UBXN11: variants seen among roughly 807,000 people sequenced by gnomAD.
UBXN11 encodes UBX domain-containing protein 11.
A neutral mutation model predicts 62.8 loss-of-function variants in UBXN11; 47 were observed. The ratio of observed to expected loss-of-function variants is 0.75; its 90% CI spans 0.59 to 0.95. The LOEUF is 0.95. Ranked by LOEUF, UBXN11 falls within the 40% of genes least tolerant of loss-of-function variation. The pLI is 0.00. For missense variants in UBXN11, 638 were observed against 661.7 expected (o/e 0.96, Z 0.39); for synonymous variants, 294 against 267.0 (o/e 1.10, Z -0.99).
At chr1:26,316,378 T>C (rs1356248292) in intron 1 of UBXN11, among the ~76,000 whole-genome samples, 1 of 151,136 alleles carries the variant, frequency 6.6e-6, no homozygotes, top group Non-Finnish European at 1.5e-5. Context: ...CTACCTAGCA[T>C]GTAAATGAGG....
At chr1:26,290,211 C>T (rs1325163535) in intron 8 of UBXN11, among the ~76,000 whole-genome samples, 1 of 152,210 alleles carries the variant, frequency 6.6e-6, no homozygotes, top group African/African-American at 2.4e-5. Flanking sequence ...GCCCATGTGC[C>T]AAGCACTGGG....
chr1:26,304,884 T>C (rs1416291599), intron 1 of UBXN11, among the ~76,000 whole-genome samples: 2 of 148,046 alleles, frequency 1.4e-5, no homozygotes, highest in Non-Finnish European at 3.0e-5. Flanking sequence ...TGCATGTGTA[T>C]CCCCCCTGCC....
chr1:26,303,630 C>CAAAAAAAAA (rs5773154), intron 1 of UBXN11, among the ~76,000 whole-genome samples: 7 of 80,060 alleles, frequency 8.7e-5, no homozygotes, highest in African/African-American at 2.1e-4. Flanking sequence ...AACTCCATCT[C>CAAAAAAAAA]AAAAAAAAAA....
At chr1:26,302,362 T>TAAAAAAAAAAAAAAAAA (rs56003085) in intron 2 of UBXN11, among the ~76,000 whole-genome samples, 1 of 69,530 alleles carries the variant, frequency 1.4e-5, no homozygotes, top group African/African-American at 5.7e-5. Context: ...ACTTGGTCTT[T>TAAAAAAAAAAAAAAAAA]AAAAAAAAAA....
chr1:26,304,034 G>C (rs952518663), intron 1 of UBXN11, among the ~76,000 whole-genome samples: 1 of 152,160 alleles, frequency 6.6e-6, no homozygotes, highest in African/African-American at 2.4e-5. Context: ...TGGGATTACA[G>C]GCATGAGCCA....
intron 12 of UBXN11, among the ~76,000 whole-genome samples, chr1:26,283,417 G>A (rs970221507): frequency 5.3e-5 from 8 of 152,214 alleles, no homozygotes; most frequent in Non-Finnish European, 1.0e-4. Flanking sequence ...GGCTCAATTG[G>A]ACTGGAAGGA....
Position 26,282,651 on chromosome 1 carries a change from G to A in UBXN11, c.1290C>T (p.Ala430=). The change falls in exon 14 of 15, where the codon GCC becomes GCT. Residue 430 remains alanine, a splice_region_variant and synonymous_variant. Transcript: ENST00000374222. ...IGDVRALLAQ[A]RVMDASAFEI... ...CCCTGGCCCTGCCCTGCACCCACCT[G>A]GCCTGCGCTAGCAGAGCTCGCACGT... 4 of 1,613,982 alleles carry A rather than the reference G, an allele frequency of 2.5e-6. No homozygotes were observed. The highest frequency in any genetic ancestry group is 3.4e-6 in the Non-Finnish European group (4 of 1,180,014).
At chr1:26,287,142 C>G (rs2073151371) in intron 8 of UBXN11, among the ~76,000 whole-genome samples, 2 of 152,270 alleles carry the variant, frequency 1.3e-5, no homozygotes, top group Non-Finnish European at 1.5e-5. Flanking sequence ...CCCCACCCAT[C>G]TGCACCATCA....
At chr1:26,290,328 A>G (rs2073230130) in intron 8 of UBXN11, among the ~76,000 whole-genome samples, 1 of 152,172 alleles carries the variant, frequency 6.6e-6, no homozygotes, top group Admixed American at 6.5e-5. Flanking sequence ...ATGAACTCAG[A>G]GGGGGTCAGC....
chr1:26,309,796 C>T (rs2073723247), upstream of UBXN11, among the ~76,000 whole-genome samples: 1 of 152,054 alleles, frequency 6.6e-6, no homozygotes, highest in Non-Finnish European at 1.5e-5. Context: ...CTAATAGAAT[C>T]TACCTCCTAG....
At chr1:26,296,791 G>A in intron 7 of UBXN11, 128 bp downstream of exon 7, 2 of 968,434 alleles carry the variant, frequency 2.1e-6, no homozygotes, top group Non-Finnish European at 3.0e-6. Context: ...ATGCAGGGCA[G>A]GGTCCCTGGG....
In UBXN11 at chr1:26,301,044, G is replaced by C; in HGVS notation, c.101-20C>G. 1.2e-6 allele frequency: 2 copies of C among 1,614,192 alleles called. No individual in the cohort carries two copies. Among genetic ancestry groups the C allele is most frequent in the Non-Finnish European group, 1.7e-6 (2 of 1,180,024 alleles). Reference sequence around the variant, plus strand: ...CATCTTCTGCAGACAGGGATGCCTAGGTCACCGCTCTGGGGCGGAGACCCA... The same window carrying C: ...CATCTTCTGCAGACAGGGATGCCTACGTCACCGCTCTGGGGCGGAGACCCA... On this transcript the variant is annotated intron_variant, in intron 3 of 14. Coordinates refer to ENST00000374222, the MANE Select transcript of UBXN11 (RefSeq NM_001389556.1).
rs56037016 is a variant in UBXN11, at chr1:26,313,782, C to CTTTTT, written c.-149+4260_-149+4264dup. Among the ~76,000 whole-genome samples, 6 of 125,898 alleles carry CTTTTT rather than the reference C, an allele frequency of 4.8e-5. 1 individual carries two copies. The highest frequency in any genetic ancestry group is 8.6e-5 in the Non-Finnish European group (5 of 58,122). The allele number at this position is 125,898 out of a possible 152,430, so 82.6% of individuals were successfully genotyped here. On this transcript the variant is annotated intron_variant, in intron 1 of 14. Coordinates refer to the UBXN11 transcript ENST00000374217. ...TTGGTTCTTTACTATAATTTTTTTT[C>CTTTTT]TTTTTTTTTTTTTTTTGAGACTTAG... is the stretch of plus-strand genomic sequence containing the variant.
chr1:26,310,093 G>A (rs1418583333), upstream of UBXN11, among the ~76,000 whole-genome samples: 1 of 152,092 alleles, frequency 6.6e-6, no homozygotes, highest in Non-Finnish European at 1.5e-5. Context: ...TTGCCACTGT[G>A]CCCGGCCCAA....
At chr1:26,308,208 G>A (rs538441123), upstream of UBXN11, among the ~76,000 whole-genome samples, 91 of 151,208 alleles carry the variant, frequency 6.0e-4, 1 homozygote, top group African/African-American at 2.1e-3. Flanking sequence ...CGGAGGTTGC[G>A]GTGAGCTGAG....
upstream of UBXN11, among the ~76,000 whole-genome samples, chr1:26,311,524 A>G (rs1363920010): frequency 6.7e-6 from 1 of 149,140 alleles, no homozygotes; most frequent in Non-Finnish European, 1.5e-5. Flanking sequence ...CTCACTGCAG[A>G]CTCTGCCTCC....
rs757617306 is a variant in UBXN11, at chr1:26,282,389, G to GGGACCGGGACCGGGACTGGGGCCA, written c.1472_1473insTGGCCCCAGTCCCGGTCCCGGTCC (p.Gly504_Pro511dup). 2.3e-5 allele frequency: 9 copies of GGGACCGGGACCGGGACTGGGGCCA among 392,912 alleles called. 1 individual carries two copies. The South Asian group carries it at 4.4e-4, about 19-fold the overall frequency. 24.3% of individuals were successfully genotyped at this position (392,912 alleles called of 1,614,324 possible). ...CGGGACCGGGACCGGGACTGGGGCC[G>GGGACCGGGACCGGGACTGGGGCCA]GGACCGGGACCGGGACAGGGACCAG... is the stretch of plus-strand genomic sequence containing the variant. On this transcript the variant is annotated inframe_insertion, in exon 15 of 15. Coordinates refer to ENST00000374222, the MANE Select transcript of UBXN11 (RefSeq NM_001389556.1).
intron 7 of UBXN11, among the ~76,000 whole-genome samples, chr1:26,294,701 G>A (rs1196885658): frequency 1.3e-5 from 2 of 152,170 alleles, no homozygotes; most frequent in Non-Finnish European, 2.9e-5. Flanking sequence ...GCAGGGCTGA[G>A]GGATGTGAAC....
chr1:26,300,378 T>C (rs2073501653), intron 4 of UBXN11, among the ~76,000 whole-genome samples: 1 of 152,092 alleles, frequency 6.6e-6, no homozygotes, highest in South Asian at 2.1e-4. Flanking sequence ...TAGTGGAAAG[T>C]TCTAACCTTA....
Sources: gnomAD v4.1 joint callset for allele counts (sites outside exome capture counted in the v4.1 genomes callset) on GRCh38, gnomAD v4.1.1 for gene constraint, MANE v1.5 for transcripts, NCBI Gene and HGNC (gene_info 2026-07-23, HGNC 2026-07-21) for gene names.